Variants in TEX36 observed in about 807,000 individuals in gnomAD.
TEX36 encodes testis expressed 36.
A neutral mutation model predicts 13.6 loss-of-function variants in TEX36; 12 were observed. The observed-to-expected ratio is 0.88, with a 90% CI of 0.56 to 1.43. The LOEUF (loss-of-function observed/expected upper bound fraction) is 1.43, where lower values mean the gene tolerates loss of function less well. TEX36 is among the 40% of genes most tolerant of loss of function. The pLI, the probability that TEX36 is intolerant of heterozygous loss-of-function variation, is 0.00. For missense variants in TEX36, 224 were observed against 228.3 expected (o/e 0.98, Z 0.12); for synonymous variants, 93 against 83.0 (o/e 1.12, Z -0.65).
intron 3 of TEX36, among the ~76,000 whole-genome samples, chr10:125,613,694 G>C (rs1846321179): frequency 6.6e-6 from 1 of 151,838 alleles, no homozygotes; most frequent in Non-Finnish European, 1.5e-5. Context: ...TGGACATTTG[G>C]GTTGGTTCCA....
chr10:125,626,090 C>T (rs923759108), intron 3 of TEX36, among the ~76,000 whole-genome samples: 1 of 152,220 alleles, frequency 6.6e-6, no homozygotes, highest in Non-Finnish European at 1.5e-5. Flanking sequence ...TAGCCCAACT[C>T]AGGACAACTC....
intron 3 of TEX36, among the ~76,000 whole-genome samples, chr10:125,612,288 T>C (rs1417016308): frequency 7.2e-6 from 1 of 139,622 alleles, no homozygotes; most frequent in Non-Finnish European, 1.6e-5. Context: ...TTCACCGTAT[T>C]GGTCAGGCTG....
At position 125,661,940 on chromosome 10, in the gene TEX36, G is replaced by C. The variant is rs1252069331; in HGVS notation, c.89C>G (p.Ser30Cys). ...CTCTTTTGACGTAGCACTGGTGATG[G>C]ATTCTGGTGTCTTTTGCGTTAGCCC... is the stretch of plus-strand genomic sequence containing the variant. ...HIGLTQKTPE[S>C]ITSATSKEPQ... Residue 30 changes from serine (S) to cysteine (C), a missense_variant, in exon 2 of 4, where the codon TCC becomes TGC. Ser to Cys is a moderately radical substitution (Grantham distance 112, BLOSUM62 -1). Coordinates refer to ENST00000368821, the MANE Select transcript of TEX36 (RefSeq NM_001128202.3). 6.4e-6 allele frequency: 10 copies of C among 1,552,220 alleles called. No homozygotes were observed. The highest frequency in any genetic ancestry group is 8.7e-6 in the Non-Finnish European group (10 of 1,147,144).
At chr10:125,593,392 A>G (rs570459109) in intron 3 of TEX36, among the ~76,000 whole-genome samples, 2 of 152,318 alleles carry the variant, frequency 1.3e-5, no homozygotes, top group East Asian at 3.9e-4. Context: ...GAATTTGTAG[A>G]CCTAGACTTC....
rs186368278 is a variant in TEX36 at position 125,605,119 on chromosome 10, G to A, written c.265-28245C>T. On this transcript the variant is annotated intron_variant, in intron 3 of 3. Coordinates refer to the TEX36 transcript ENST00000532135. The stretch of plus-strand genomic sequence containing the variant: ...TTGGGGATGGCTGCTCTCTGGTACA[G>A]GGGAGAAGGATGCTAGTGGGGCCTG... Among the ~76,000 whole-genome samples the A allele has an allele frequency of 5.6e-3, 860 of 152,326 alleles. 10 individuals are homozygous for A. The highest frequency in any genetic ancestry group is 0.019 in the African/African-American group (809 of 41,562).
intron 3 of TEX36, among the ~76,000 whole-genome samples, chr10:125,624,530 C>T (rs1846463754): frequency 6.6e-6 from 1 of 152,058 alleles, no homozygotes; most frequent in African/African-American, 2.4e-5. Context: ...ACTGGTGGGG[C>T]TGGTCATAGC....
chr10:125,675,002 G>T (rs186205949), intron 1 of TEX36, among the ~76,000 whole-genome samples: 1 of 152,378 alleles, frequency 6.6e-6, no homozygotes, highest in African/African-American at 2.4e-5. Flanking sequence ...AGGTTCCTTA[G>T]AGCCAGCAGG....
intron 3 of TEX36, among the ~76,000 whole-genome samples, chr10:125,628,861 G>T (rs546155155): frequency 6.6e-6 from 1 of 152,200 alleles, no homozygotes; most frequent in Non-Finnish European, 1.5e-5. Context: ...GCTGTGGTAG[G>T]GGGGACAGAA....
chr10:125,579,835 C>T (rs1406385141), intron 3 of TEX36, among the ~76,000 whole-genome samples: 4 of 152,102 alleles, frequency 2.6e-5, no homozygotes, highest in African/African-American at 9.7e-5. Flanking sequence ...CCTGAGGCCT[C>T]CCCAGCCATG....
rs532799649 is a variant in TEX36 at position 125,631,592 on chromosome 10, G to A, written c.265-9947C>T. ...ATAAAATGGAGTGACCAGGGGCAGC[G>A]TTGGGATGTGTGAGGATCCAGAGAA... On this transcript the variant is annotated intron_variant, in intron 3 of 3. Transcript: ENST00000526819. Among the ~76,000 whole-genome samples the A allele has an allele frequency of 1.2e-4, 19 of 152,328 alleles. No individual in the cohort carries two copies. The South Asian group carries it at 1.5e-3, about 12-fold the overall frequency.
At position 125,667,791 on chromosome 10, in the gene TEX36, C is replaced by G. The variant is rs973724310; in HGVS notation, c.52-5814G>C. On this transcript the variant is annotated intron_variant, in intron 1 of 3. Transcript: ENST00000368821. ...AGCTGACAGTAGAAGCGCCAGTTCT[C>G]TTTGGTGTTCTCGGCGTTAAGGGAC... 9.7e-6 allele frequency: 10 copies of G among 1,035,342 alleles called. No homozygotes were observed. The African/African-American group carries it at 1.4e-4, about 15-fold the overall frequency. 64.1% of individuals were successfully genotyped at this position (1,035,342 alleles called of 1,614,324 possible). A position where few individuals can be genotyped will look rare whatever the true frequency, so the allele number is the denominator to read the frequency against.
intron 3 of TEX36, chr10:125,640,360 C>A (rs760789128): frequency 4.1e-6 from 1 of 245,192 alleles, no homozygotes; most frequent in Admixed American, 6.5e-5. Flanking sequence ...TTACTCTCTG[C>A]GGAAATCACA....
chr10:125,578,820 C>T (rs1450478866), intron 3 of TEX36, among the ~76,000 whole-genome samples: 1 of 152,202 alleles, frequency 6.6e-6, no homozygotes, highest in Non-Finnish European at 1.5e-5. Context: ...CAATCCCCTG[C>T]TCACAGCCCT....
intron 3 of TEX36, among the ~76,000 whole-genome samples, chr10:125,634,788 T>C (rs1165670137): frequency 6.6e-6 from 1 of 152,180 alleles, no homozygotes; most frequent in African/African-American, 2.4e-5. Flanking sequence ...AGTTCATTAA[T>C]GCAATACGTC....
At chr10:125,682,731 A>G (rs778452165) in intron 1 of TEX36, among the ~76,000 whole-genome samples, 11 of 152,236 alleles carry the variant, frequency 7.2e-5, no homozygotes, top group Non-Finnish European at 5.9e-5. Flanking sequence ...CAGTGTGCTG[A>G]GCATTTTACA....
chr10:125,619,243 A>T (rs150798521), downstream of TEX36, among the ~76,000 whole-genome samples: 1,415 of 152,284 alleles, frequency 9.3e-3, 11 homozygotes, highest in Middle Eastern at 0.034. Context: ...AGCACTGTAA[A>T]CCTATCACAG....
chr10:125,605,246 A>C (rs1015906122), intron 3 of TEX36, among the ~76,000 whole-genome samples: 9 of 152,234 alleles, frequency 5.9e-5, no homozygotes, highest in African/African-American at 2.2e-4. Flanking sequence ...CAGCCCATAA[A>C]GTCTATGAGG....
chr10:125,618,754 T>A (rs1247739922), downstream of TEX36, among the ~76,000 whole-genome samples: 1 of 151,882 alleles, frequency 6.6e-6, no homozygotes, highest in Non-Finnish European at 1.5e-5. Flanking sequence ...TCAGAATAGA[T>A]GCAAGCCAAG....
chr10:125,668,388 T>A (rs2133603624), intron 1 of TEX36, among the ~76,000 whole-genome samples: 1 of 152,092 alleles, frequency 6.6e-6, no homozygotes, highest in East Asian at 1.9e-4. Flanking sequence ...CCTGATTCAA[T>A]CTTGGTAGGT....
Sources: allele counts gnomAD v4.1 joint callset (sites outside exome capture counted in the v4.1 genomes callset), GRCh38; gene constraint gnomAD v4.1.1; transcripts MANE v1.5; gene names NCBI Gene and HGNC (gene_info 2026-07-23, HGNC 2026-07-21).